Variants in PCDHA9 observed in about 807,000 individuals in gnomAD.
PCDHA9 encodes protocadherin alpha 9.
Under a neutral mutation model 62.0 loss-of-function variants are expected in PCDHA9, and 62 were observed. The observed-to-expected ratio is 1.00, with a 90% CI of 0.81 to 1.23. The LOEUF (loss-of-function observed/expected upper bound fraction) is 1.23. Ranked by LOEUF, PCDHA9 falls within the 50% of genes most tolerant of loss-of-function variation. PCDHA9 has a pLI of 0.00. For missense variants in PCDHA9, 1,205 were observed against 1,249.8 expected, an observed-to-expected ratio of 0.96 and a Z score of 0.54; for synonymous variants, 557 against 567.6, an observed-to-expected ratio of 0.98 and a Z score of 0.27.
rs782420685 is a variant in PCDHA9, at chr5:140,978,941, T to G, written c.2395-8T>G. 1 of 1,614,158 alleles carries G rather than the reference T, an allele frequency of 6.2e-7. No homozygotes were observed. The highest frequency in any genetic ancestry group is 2.2e-5 in the East Asian group (1 of 44,880). On this transcript the variant is annotated splice_region_variant and splice_polypyrimidine_tract_variant and intron_variant, in intron 1 of 3. Transcript: ENST00000532602. ...TTTTAACAGAAAACTCTCTTTGTGA[T>G]TTTGCAGCCACGACAGCCCAACCCT...
chr5:140,968,068 C>T (rs1554230278), intron 1 of PCDHA9: 1 of 1,614,024 alleles, frequency 6.2e-7, no homozygotes, highest in East Asian at 2.2e-5. Context: ...GGGTGGCTGT[C>T]TACAACATCA....
intron 1 of PCDHA9, chr5:140,883,517 A>G: frequency 6.2e-7 from 1 of 1,614,162 alleles, no homozygotes; most frequent in Non-Finnish European, 8.5e-7. Context: ...GGACCGCGAG[A>G]GCGTATCAGC....
intron 1 of PCDHA9, among the ~76,000 whole-genome samples, chr5:140,911,201 C>G: frequency 6.6e-6 from 1 of 152,110 alleles, no homozygotes; most frequent in Non-Finnish European, 1.5e-5. Context: ...GACATGTTGC[C>G]ACTACTGGGG....
intron 3 of PCDHA9, among the ~76,000 whole-genome samples, chr5:140,988,417 A>G (rs2097297098): frequency 6.6e-6 from 1 of 152,150 alleles, no homozygotes; most frequent in Non-Finnish European, 1.5e-5. Flanking sequence ...GCTTATGTAA[A>G]GAATTTGTTT....
chr5:140,996,311 G>C lies in PCDHA9; in HGVS notation c.2543-13316G>C, dbSNP rs191577867. On this transcript the variant is annotated intron_variant, in intron 3 of 3. Coordinates refer to ENST00000532602, the MANE Select transcript of PCDHA9 (RefSeq NM_031857.2). ...GAAGCACAGATTGTAACAAAGTAAG[G>C]GGGGAGGGTAGAGAAGAAAAGTTTG... is the stretch of plus-strand genomic sequence containing the variant. 9.0e-4 allele frequency among the ~76,000 whole-genome samples: 137 copies of C among 152,302 alleles called. 1 individual carries two copies. The highest frequency in any genetic ancestry group is 2.8e-3 in the African/African-American group (118 of 41,574).
intron 1 of PCDHA9, among the ~76,000 whole-genome samples, chr5:140,974,825 A>G (rs2096642596): frequency 6.6e-6 from 1 of 152,198 alleles, no homozygotes; most frequent in Admixed American, 6.5e-5. Flanking sequence ...ATGCAACATA[A>G]TGATTATTTT....
intron 1 of PCDHA9, chr5:140,967,826 G>A (rs782046643): frequency 1.2e-6 from 2 of 1,614,168 alleles, no homozygotes; most frequent in East Asian, 4.5e-5. Context: ...GGTGCTGGTG[G>A]ACATCGTGGA....
At chr5:140,901,716 G>A (rs555901106) in intron 1 of PCDHA9, among the ~76,000 whole-genome samples, 1 of 152,176 alleles carries the variant, frequency 6.6e-6, no homozygotes, top group South Asian at 2.1e-4. Flanking sequence ...TTTTCAGATT[G>A]TCTTTTCTAT....
intron 1 of PCDHA9, among the ~76,000 whole-genome samples, chr5:140,934,320 T>C (rs910163789): frequency 6.6e-6 from 1 of 152,154 alleles, no homozygotes; most frequent in Non-Finnish European, 1.5e-5. Flanking sequence ...AAATGTCCAA[T>C]CATGAATGTA....
chr5:140,946,936 A>T (rs1344601116), intron 1 of PCDHA9, among the ~76,000 whole-genome samples: 1 of 151,482 alleles, frequency 6.6e-6, no homozygotes, highest in Non-Finnish European at 1.5e-5. Context: ...AGTAGAGTGT[A>T]GTTAAGAATA....
intron 1 of PCDHA9, chr5:140,876,550 C>T: frequency 6.2e-7 from 1 of 1,614,186 alleles, no homozygotes; most frequent in Non-Finnish European, 8.5e-7. Context: ...GCTCCCTGTG[C>T]AAGAGGATGC....
chr5:140,869,361 G>T, intron 1 of PCDHA9: 1 of 1,614,146 alleles, frequency 6.2e-7, no homozygotes, highest in Non-Finnish European at 8.5e-7. Context: ...TTTTGTTTGT[G>T]AATTCTCGGA....
rs536794003 is a variant in PCDHA9, at chr5:140,982,215, G to A, written c.2454-260G>A. Reference sequence around the variant, plus strand: ...CTGTTAGATTTAGTGAGCGCCACATGGCGTTAATAAAAAACAGAATTGCCA... The same window carrying A: ...CTGTTAGATTTAGTGAGCGCCACATAGCGTTAATAAAAAACAGAATTGCCA... On this transcript the variant is annotated intron_variant, in intron 2 of 3. Coordinates refer to ENST00000532602, the MANE Select transcript of PCDHA9 (RefSeq NM_031857.2). The A allele has an allele frequency of 2.0e-5, 10 of 491,624 alleles. No individual in the cohort carries two copies. In the South Asian group the frequency reaches 3.6e-4, roughly 18 times the overall value. The allele number at this position is 491,624 out of a possible 1,614,324, so 30.5% of individuals were successfully genotyped here. A position where few individuals can be genotyped will look rare whatever the true frequency, so the allele number is the denominator to read the frequency against.
At chr5:140,887,249 A>AC (rs1367463344) in intron 1 of PCDHA9, among the ~76,000 whole-genome samples, 3 of 151,838 alleles carry the variant, frequency 2.0e-5, no homozygotes, top group Non-Finnish European at 4.4e-5. Context: ...GGCGCCCGCC[A>AC]CCACGCCCTG....
chr5:140,876,774 G>T (rs370558767), intron 1 of PCDHA9: 28 of 1,614,110 alleles, frequency 1.7e-5, no homozygotes, highest in Non-Finnish European at 2.3e-5. Flanking sequence ...GCTCGCCTTC[G>T]CTGTGGGCCA....
At chr5:140,975,365 A>G (rs186836387) in intron 1 of PCDHA9, among the ~76,000 whole-genome samples, 5 of 152,370 alleles carry the variant, frequency 3.3e-5, no homozygotes, top group Admixed American at 2.0e-4. Context: ...GCTACATAGC[A>G]TAATGTAATC....
intron 1 of PCDHA9, chr5:140,927,761 G>C (rs1554205028): frequency 6.2e-7 from 1 of 1,614,102 alleles, no homozygotes. Flanking sequence ...CACCCTAAAA[G>C]TGGGGAGGTG....
intron 1 of PCDHA9, chr5:140,853,957 G>T: frequency 2.7e-6 from 2 of 736,982 alleles, no homozygotes; most frequent in Non-Finnish European, 3.4e-6. Context: ...TCCCTTCCTT[G>T]AGCCCAGCAG....
At chr5:140,907,712 T>A (rs1562961756) in intron 1 of PCDHA9, among the ~76,000 whole-genome samples, 1 of 152,198 alleles carries the variant, frequency 6.6e-6, no homozygotes, top group African/African-American at 2.4e-5. Context: ...GCTGAGCCCA[T>A]GTGTAACCTC....
Sources: gnomAD v4.1 joint callset for allele counts (sites outside exome capture counted in the v4.1 genomes callset) on GRCh38, gnomAD v4.1.1 for gene constraint, MANE v1.5 for transcripts, NCBI Gene and HGNC (gene_info 2026-07-23, HGNC 2026-07-21) for gene names.